Variants in CCDC85A observed in about 807,000 individuals in gnomAD.
CCDC85A encodes the protein coiled-coil domain containing 85A, also known as coiled-coil domain-containing protein 85A.
A neutral mutation model predicts 50.2 loss-of-function variants in CCDC85A; 38 were observed. The observed-to-expected ratio is 0.76, with a 90% CI of 0.58 to 0.99. The LOEUF (loss-of-function observed/expected upper bound fraction) is 0.99, where lower values mean the gene tolerates loss of function less well. Among genes scored for constraint, CCDC85A ranks in the 50% least tolerant of loss-of-function variants. The pLI, the probability that CCDC85A is intolerant of heterozygous loss-of-function variation, is 0.00. For missense variants in CCDC85A, 820 were observed against 742.0 expected (o/e 1.11, Z -1.22); for synonymous variants, 366 against 301.4 (o/e 1.21, Z -2.22).
At chr2:56,357,482 T>G (rs930450828) in intron 3 of CCDC85A, among the ~76,000 whole-genome samples, 13 of 152,224 alleles carry the variant, frequency 8.5e-5, no homozygotes, top group African/African-American at 3.1e-4. Context: ...CACTTTGATT[T>G]TAAGTACTTT....
chr2:56,267,688 AG>A (rs1670513560), intron 2 of CCDC85A, among the ~76,000 whole-genome samples: 1 of 152,204 alleles, frequency 6.6e-6, no homozygotes, highest in Non-Finnish European at 1.5e-5. Flanking sequence ...TTAACCTCAG[AG>A]GAGTGCCAAA....
At chr2:56,281,386 A>G (rs1025071943) in intron 2 of CCDC85A, among the ~76,000 whole-genome samples, 2 of 152,174 alleles carry the variant, frequency 1.3e-5, no homozygotes, top group Admixed American at 6.5e-5. Flanking sequence ...AAAGTCATGG[A>G]CATACAAGTC....
Position 56,184,256 on chromosome 2 carries a change from C to T in CCDC85A, c.-369C>T, listed in dbSNP as rs539935384. The T allele has an allele frequency of 1.2e-4, 107 of 921,184 alleles. No individual in the cohort carries two copies. Among genetic ancestry groups the T allele is most frequent in the Non-Finnish European group, 1.4e-4 (105 of 759,568 alleles). 57.1% of individuals were successfully genotyped at this position (921,184 alleles called of 1,614,324 possible). A position where few individuals can be genotyped will look rare whatever the true frequency, so the allele number is the denominator to read the frequency against. On this transcript the variant is annotated 5_prime_UTR_variant, in exon 1 of 6. Transcript: ENST00000407595. ...CAGAGAGTGCGGGGGGCGACAGTCT[C>T]GGCTTAGGGCGGAGGAGAGGGCAGG...
In CCDC85A at chr2:56,384,476, A is replaced by G. The variant is rs1676739406; in HGVS notation, c.*121A>G. The G allele has an allele frequency of 2.6e-6, 2 of 762,186 alleles. No individual in the cohort carries two copies. The highest frequency in any genetic ancestry group is 2.3e-5 in the Admixed American group (1 of 43,274). 47.2% of individuals were successfully genotyped at this position (762,186 alleles called of 1,614,324 possible). A position where few individuals can be genotyped will look rare whatever the true frequency, so the allele number is the denominator to read the frequency against. On this transcript the variant is annotated 3_prime_UTR_variant, in exon 6 of 6. Transcript: ENST00000407595. ...ATGGAATAACATGGAGTGATTGTAC[A>G]TTGCACATATCTCCCCTCTAAAACC...
chr2:56,306,004 C>G (rs1331941280), intron 2 of CCDC85A, among the ~76,000 whole-genome samples: 4 of 152,200 alleles, frequency 2.6e-5, no homozygotes, highest in Non-Finnish European at 5.9e-5. Flanking sequence ...ATTGCCTTGA[C>G]AAACATCATA....
chr2:56,292,831 AT>A, intron 2 of CCDC85A, among the ~76,000 whole-genome samples: 1 of 152,290 alleles, frequency 6.6e-6, no homozygotes, highest in African/African-American at 2.4e-5. Context: ...GACATTTATG[AT>A]ATTGCTTATA....
rs145027961 is a variant in CCDC85A, at chr2:56,382,898, T to A, written c.1573-1368T>A. Among the ~76,000 whole-genome samples, 58 of 152,132 alleles carry A rather than the reference T, an allele frequency of 3.8e-4. No homozygotes were observed. In the East Asian group the frequency reaches 0.01, roughly 26 times the overall value. On this transcript the variant is annotated intron_variant, in intron 5 of 5. Coordinates refer to ENST00000407595, the MANE Select transcript of CCDC85A (RefSeq NM_001080433.2). The stretch of plus-strand genomic sequence containing the variant: ...AGCATTCTGGATAGATGTAATTGTA[T>A]TTAAGGGCTAGAAAAGGAAAGTCCA...
chr2:56,368,252 A>G (rs1675903414), intron 3 of CCDC85A, among the ~76,000 whole-genome samples: 1 of 152,198 alleles, frequency 6.6e-6, no homozygotes, highest in Non-Finnish European at 1.5e-5. Flanking sequence ...TTCTTTGGAT[A>G]TAACCGACTA....
intron 2 of CCDC85A, among the ~76,000 whole-genome samples, chr2:56,282,898 T>C (rs375935448): frequency 3.9e-5 from 6 of 152,244 alleles, no homozygotes; most frequent in African/African-American, 1.2e-4. Flanking sequence ...TTTTGTTAAA[T>C]TCATTCCTAA....
At chr2:56,233,358 T>C (rs533153130) in intron 2 of CCDC85A, among the ~76,000 whole-genome samples, 2 of 152,312 alleles carry the variant, frequency 1.3e-5, no homozygotes, top group African/African-American at 4.8e-5. Flanking sequence ...CTTCCTTGTC[T>C]CATCCTTTGA....
At chr2:56,316,989 A>G (rs1464401423) in intron 2 of CCDC85A, among the ~76,000 whole-genome samples, 1 of 152,048 alleles carries the variant, frequency 6.6e-6, no homozygotes, top group Non-Finnish European at 1.5e-5. Flanking sequence ...TTTTTCTTCT[A>G]TTTTCTGTTA....
intron 3 of CCDC85A, among the ~76,000 whole-genome samples, chr2:56,351,872 C>T (rs1303565702): frequency 6.6e-6 from 1 of 152,080 alleles, no homozygotes; most frequent in Non-Finnish European, 1.5e-5. Flanking sequence ...TCCCATTTGT[C>T]AATTTTGGCT....
chr2:56,193,585 A>C (rs1423353238), intron 2 of CCDC85A, 145 bp downstream of exon 2: 4 of 843,214 alleles, frequency 4.7e-6, no homozygotes, highest in South Asian at 1.9e-5. Flanking sequence ...TGGACCCAAA[A>C]TCATGATATG....
chr2:56,315,339 C>G lies in CCDC85A; in HGVS notation c.1241-27540C>G, dbSNP rs562972037. On this transcript the variant is annotated intron_variant, in intron 2 of 5. Coordinates refer to ENST00000407595, the MANE Select transcript of CCDC85A (RefSeq NM_001080433.2). ...CACTTTTTCTCCCCCTCCCAGCGGC[C>G]TTTTGGGAATGGGAAGATTTTATAA... Among the ~76,000 whole-genome samples, 4 of 152,140 alleles carry G rather than the reference C, an allele frequency of 2.6e-5. No homozygotes were observed. The South Asian group carries it at 6.2e-4, about 24-fold the overall frequency.
chr2:56,265,602 C>T (rs1249281007), intron 2 of CCDC85A, among the ~76,000 whole-genome samples: 1 of 152,088 alleles, frequency 6.6e-6, no homozygotes, highest in East Asian at 1.9e-4. Flanking sequence ...GAGATATCAC[C>T]TCATACCTGT....
intron 2 of CCDC85A, among the ~76,000 whole-genome samples, chr2:56,210,452 G>C (rs975491867): frequency 8.6e-5 from 13 of 152,024 alleles, no homozygotes; most frequent in African/African-American, 3.1e-4. Flanking sequence ...TCAACACTTA[G>C]TGTTGTGAAA....
chr2:56,377,430 GTCC>G (rs1676386351), intron 5 of CCDC85A, among the ~76,000 whole-genome samples: 1 of 152,130 alleles, frequency 6.6e-6, no homozygotes, highest in Non-Finnish European at 1.5e-5. Context: ...GCAGCAACTT[GTCC>G]TCCTATTCAA....
At chr2:56,253,005 CA>C (rs1669834471) in intron 2 of CCDC85A, among the ~76,000 whole-genome samples, 1 of 151,418 alleles carries the variant, frequency 6.6e-6, no homozygotes, top group Non-Finnish European at 1.5e-5. Flanking sequence ...GGTGACAAAG[CA>C]AGACTCCATC....
chr2:56,224,510 G>A (rs1429452552), intron 2 of CCDC85A, among the ~76,000 whole-genome samples: 2 of 152,132 alleles, frequency 1.3e-5, no homozygotes, highest in Non-Finnish European at 2.9e-5. Context: ...TGATCTATGT[G>A]TAACATTTTG....
Sources: gnomAD v4.1 joint callset for allele counts (sites outside exome capture counted in the v4.1 genomes callset) on GRCh38, gnomAD v4.1.1 for gene constraint, MANE v1.5 for transcripts, NCBI Gene and HGNC (gene_info 2026-07-23, HGNC 2026-07-21) for gene names.